The following TTLL11 variants were observed in gnomAD, a reference collection of about 807,000 sequenced individuals.
TTLL11 encodes the protein tubulin polyglutamylase TTLL11.
A neutral mutation model predicts 51.7 loss-of-function variants in TTLL11; 42 were observed. The observed-to-expected ratio is 0.81, with a 90% CI of 0.64 to 1.05. TTLL11 has a LOEUF of 1.05. Ranked by LOEUF, TTLL11 falls within the 50% of genes least tolerant of loss-of-function variation. TTLL11 has a pLI of 0.00. For missense variants in TTLL11, 799 were observed against 940.4 expected (o/e 0.85, Z 1.97); for synonymous variants, 381 against 383.5 (o/e 0.99, Z 0.08).
At chr9:121,938,511 G>A (rs1030927991) in intron 6 of TTLL11, among the ~76,000 whole-genome samples, 3 of 152,084 alleles carry the variant, frequency 2.0e-5, no homozygotes, top group Non-Finnish European at 4.4e-5. Context: ...TATAGCCTAA[G>A]AGACCATATG....
intron 3 of TTLL11, among the ~76,000 whole-genome samples, chr9:122,017,335 C>T (rs1418728046): frequency 6.6e-6 from 1 of 152,140 alleles, no homozygotes; most frequent in Admixed American, 6.5e-5. Flanking sequence ...TATGTCAATT[C>T]CACTTTGAGA....
intron 1 of TTLL11, among the ~76,000 whole-genome samples, chr9:122,046,777 C>T (rs1845016407): frequency 6.6e-6 from 1 of 152,094 alleles, no homozygotes; most frequent in African/African-American, 2.4e-5. Flanking sequence ...CCTCTATCCT[C>T]AGGAGATAGA....
intron 1 of TTLL11, among the ~76,000 whole-genome samples, chr9:122,054,451 C>T (rs1454626293): frequency 2.0e-5 from 3 of 152,070 alleles, no homozygotes; most frequent in African/African-American, 7.2e-5. Context: ...AAAAGAAAAA[C>T]TTCACAAACT....
At chr9:121,829,293 CAT>C (rs1465964616) in intron 8 of TTLL11, among the ~76,000 whole-genome samples, 2 of 151,720 alleles carry the variant, frequency 1.3e-5, no homozygotes, top group Non-Finnish European at 2.9e-5. Flanking sequence ...AAGAAAATCT[CAT>C]AGAGTACCCA....
chr9:121,830,035 C>T (rs532976441), intron 8 of TTLL11, among the ~76,000 whole-genome samples: 1 of 152,302 alleles, frequency 6.6e-6, no homozygotes, highest in Admixed American at 6.5e-5. Context: ...TCTCTACATT[C>T]CCAGAGCCCA....
At chr9:121,940,682 C>G (rs567278876) in intron 6 of TTLL11, among the ~76,000 whole-genome samples, 1 of 152,156 alleles carries the variant, frequency 6.6e-6, no homozygotes, top group African/African-American at 2.4e-5. Context: ...CTCACCCACA[C>G]ACAATCATCC....
rs888940623 is a variant in TTLL11, at chr9:121,942,534, C to T, written c.1481+31475G>A. Among the ~76,000 whole-genome samples, 5 of 152,056 alleles carry T rather than the reference C, an allele frequency of 3.3e-5. No homozygotes were observed. The South Asian group carries it at 1.0e-3, about 32-fold the overall frequency. Reference sequence around the variant, plus strand: ...CCAGCTCCTAGAAGAGTGCCCGGTACACAGTGATTGCTCAATACATGTTTG... The same window carrying T: ...CCAGCTCCTAGAAGAGTGCCCGGTATACAGTGATTGCTCAATACATGTTTG... On this transcript the variant is annotated intron_variant, in intron 6 of 8. Coordinates refer to ENST00000321582, the MANE Select transcript of TTLL11 (RefSeq NM_001139442.2).
chr9:121,917,647 A>AGGGAG, intron 6 of TTLL11, among the ~76,000 whole-genome samples: 1 of 149,842 alleles, frequency 6.7e-6, no homozygotes, highest in Non-Finnish European at 1.5e-5. Flanking sequence ...AAGGGAGGGA[A>AGGGAG]GGAAGGGAAG....
chr9:121,877,185 C>T (rs978318916), intron 6 of TTLL11, among the ~76,000 whole-genome samples: 1 of 152,214 alleles, frequency 6.6e-6, no homozygotes, highest in African/African-American at 2.4e-5. Context: ...TAGCGGATTC[C>T]AAACGCACAT....
chr9:122,082,888 G>A (rs1282857503), intron 1 of TTLL11, among the ~76,000 whole-genome samples: 2 of 152,016 alleles, frequency 1.3e-5, no homozygotes, highest in African/African-American at 4.8e-5. Flanking sequence ...AATTAGCTGG[G>A]CATGGTGTGC....
chr9:121,944,344 C>T (rs534854601), intron 6 of TTLL11, among the ~76,000 whole-genome samples: 1 of 152,202 alleles, frequency 6.6e-6, no homozygotes, highest in Admixed American at 6.5e-5. Context: ...CCCGCCTCCA[C>T]TAAAAACACA....
chr9:121,912,490 T>A (rs1482946746), intron 6 of TTLL11, among the ~76,000 whole-genome samples: 1 of 151,260 alleles, frequency 6.6e-6, no homozygotes, highest in African/African-American at 2.4e-5. Flanking sequence ...AATGCCCCTC[T>A]CTGCCCCACA....
At chr9:121,940,917 G>A (rs971094825) in intron 6 of TTLL11, among the ~76,000 whole-genome samples, 1 of 152,154 alleles carries the variant, frequency 6.6e-6, no homozygotes, top group Non-Finnish European at 1.5e-5. Flanking sequence ...AGAAACATTG[G>A]CTAAAGGTAG....
intron 1 of TTLL11, among the ~76,000 whole-genome samples, chr9:122,075,791 C>T (rs540709361): frequency 6.6e-6 from 1 of 152,260 alleles, no homozygotes; most frequent in East Asian, 1.9e-4. Flanking sequence ...GAAAGTAAAC[C>T]CTTCCAAAAC....
intron 6 of TTLL11, among the ~76,000 whole-genome samples, chr9:121,905,495 G>A (rs1316815033): frequency 1.3e-5 from 2 of 152,048 alleles, no homozygotes; most frequent in African/African-American, 2.4e-5. Context: ...GGGATTACAG[G>A]CACACATCAT....
At chr9:121,921,829 T>C (rs1216318454) in intron 6 of TTLL11, among the ~76,000 whole-genome samples, 2 of 152,102 alleles carry the variant, frequency 1.3e-5, no homozygotes, top group Non-Finnish European at 2.9e-5. Flanking sequence ...TCCTAAGCTT[T>C]AGATGTTCAC....
rs1837967077 is a variant in TTLL11, at chr9:121,860,343, C to A, written c.1834G>T (p.Asp612Tyr). ...AGAGGCATTTGTCAAATACCTGAGT[C>A]CCGCTGGTCCAGGGTCATGGAGTTC... ...RWNSMTLDQR[D>Y]SGMCLQAFVE... is the part of the protein sequence containing the mutation. The change falls in exon 8 of 9, where the codon GAC becomes TAC. Residue 612 changes from aspartate (D) to tyrosine (Y), a missense_variant. Around this residue, in one of 3 missense-constraint regions of TTLL11, gnomAD observed 165 missense variants for 166.1 expected, o/e 0.99. Coordinates refer to ENST00000321582, the MANE Select transcript of TTLL11 (RefSeq NM_001139442.2). The A allele has an allele frequency of 2.6e-6, 4 of 1,550,980 alleles. No homozygotes were observed. Among genetic ancestry groups the A allele is most frequent in the Non-Finnish European group, 3.5e-6 (4 of 1,146,774 alleles).
intron 6 of TTLL11, among the ~76,000 whole-genome samples, chr9:121,887,781 C>A (rs1839068392): frequency 6.6e-6 from 1 of 152,208 alleles, no homozygotes; most frequent in Non-Finnish European, 1.5e-5. Flanking sequence ...AGCAAGCTGT[C>A]CCCCGTCCTT....
chr9:121,912,718 A>G (rs923324100), intron 6 of TTLL11, among the ~76,000 whole-genome samples: 1 of 152,168 alleles, frequency 6.6e-6, no homozygotes, highest in African/African-American at 2.4e-5. Context: ...AATCTGGCAC[A>G]GGGCAGATAT....
Sources: gnomAD v4.1 joint callset for allele counts (sites outside exome capture counted in the v4.1 genomes callset) on GRCh38, gnomAD v4.1.1 for gene constraint, gnomAD v4.1.1 regional missense constraint, MANE v1.5 for transcripts, NCBI Gene and HGNC (gene_info 2026-07-23, HGNC 2026-07-21) for gene names.